Variants in SLC20A2 observed in about 807,000 individuals in gnomAD.
SLC20A2 encodes sodium-dependent phosphate transporter 2.
In SLC20A2, 30 loss-of-function variants were observed where a neutral mutation model predicts 61.0. The observed-to-expected ratio is 0.49, with a 90% CI of 0.37 to 0.67. The LOEUF is 0.67. Among genes scored for constraint, SLC20A2 ranks in the 30% least tolerant of loss-of-function variants. The probability of loss-of-function intolerance (pLI) is 0.00; values close to 1 mark genes in which losing one functional copy is unlikely to be tolerated. For synonymous variants in SLC20A2, 351 were observed against 353.3 expected (o/e 0.99, Z 0.07); for missense variants, 626 against 866.4 (o/e 0.72, Z 3.48).
chr8:42,538,168 C>T (rs1050722940), intron 1 of SLC20A2: 1 of 151,012 alleles, frequency 6.6e-6, no homozygotes, highest in African/African-American at 2.4e-5. Context: ...GATGTTTCCC[C>T]ACGGTATGTA....
intron 1 of SLC20A2, among the ~76,000 whole-genome samples, chr8:42,519,415 G>A (rs938820519): frequency 4.6e-4 from 69 of 150,906 alleles, no homozygotes; most frequent in Non-Finnish European, 8.5e-4. Context: ...CTGCACTCCA[G>A]CCTGGGCGAC....
In SLC20A2 at chr8:42,417,729, G is replaced by T; in HGVS notation, c.*74C>A. On this transcript the variant is annotated 3_prime_UTR_variant, in exon 11 of 11. Coordinates refer to ENST00000520262, the MANE Select transcript of SLC20A2 (RefSeq NM_001257180.2). ...TGCACGGCCAGGATGTGTATGTGCG[G>T]CACGAGCACACATGTCTCCCACACG... is the stretch of plus-strand genomic sequence containing the variant. The T allele has an allele frequency of 6.6e-7, 1 of 1,514,648 alleles. No individual in the cohort carries two copies. Among genetic ancestry groups the T allele is most frequent in the Non-Finnish European group, 9.1e-7 (1 of 1,097,574 alleles). The allele number at this position is 1,514,648 out of a possible 1,614,324, so 93.8% of individuals were successfully genotyped here.
intron 1 of SLC20A2, among the ~76,000 whole-genome samples, chr8:42,527,027 C>G (rs1812006903): frequency 6.6e-6 from 1 of 151,576 alleles, no homozygotes; most frequent in South Asian, 2.1e-4. Context: ...ACTGCTTGAG[C>G]CTGAGAATCG....
intron 1 of SLC20A2, among the ~76,000 whole-genome samples, chr8:42,510,152 CT>C (rs1810949053): frequency 3.3e-5 from 5 of 152,038 alleles, no homozygotes; most frequent in Admixed American, 3.3e-4. Flanking sequence ...ACTGAGTTTC[CT>C]CTGTTTTTAA....
intron 1 of SLC20A2, among the ~76,000 whole-genome samples, chr8:42,538,522 G>A (rs1288092997): frequency 3.3e-5 from 5 of 152,164 alleles, no homozygotes; most frequent in Admixed American, 2.6e-4. Flanking sequence ...AAAAGCAGGT[G>A]GGATCTTCAC....
At chr8:42,432,065 A>AT (rs1274299295) in intron 8 of SLC20A2, among the ~76,000 whole-genome samples, 1 of 152,216 alleles carries the variant, frequency 6.6e-6, no homozygotes, top group Non-Finnish European at 1.5e-5. Context: ...TACTTAAGAA[A>AT]TACACTTTGT....
intron 1 of SLC20A2, among the ~76,000 whole-genome samples, chr8:42,513,950 G>A (rs967665330): frequency 2.6e-5 from 4 of 152,194 alleles, no homozygotes; most frequent in African/African-American, 9.7e-5. Flanking sequence ...GCAGAAGTAT[G>A]TGTTCTGAAT....
At chr8:42,511,411 G>A (rs1257629084) in intron 1 of SLC20A2, among the ~76,000 whole-genome samples, 4 of 152,074 alleles carry the variant, frequency 2.6e-5, no homozygotes, top group African/African-American at 4.8e-5. Context: ...GGCGGATCAC[G>A]AGGTCAGAAG....
intron 1 of SLC20A2, among the ~76,000 whole-genome samples, chr8:42,482,549 G>C (rs544445061): frequency 2.0e-5 from 3 of 152,260 alleles, no homozygotes; most frequent in Admixed American, 6.5e-5. Flanking sequence ...AGGAGTTTGA[G>C]ATCAGCCTAG....
intron 1 of SLC20A2, chr8:42,541,741 C>T (rs1298427507): frequency 6.7e-6 from 1 of 148,950 alleles, no homozygotes; most frequent in Non-Finnish European, 1.5e-5. Flanking sequence ...TCCCGGTCCC[C>T]GGCGGGGCCG....
chr8:42,466,036 TTTC>T (rs1807133707), intron 2 of SLC20A2, 119 bp from the exon 3 acceptor site: 1 of 948,200 alleles, frequency 1.1e-6, no homozygotes, highest in African/African-American at 1.7e-5. Context: ...CTGTGAATTG[TTTC>T]TTTACAAAGC....
At chr8:42,451,689 G>A (rs1277018569) in intron 5 of SLC20A2, among the ~76,000 whole-genome samples, 44 of 101,354 alleles carry the variant, frequency 4.3e-4, no homozygotes, top group African/African-American at 4.8e-4. Context: ...GAAGAGGAGG[G>A]GGAGGAAGAG....
intron 1 of SLC20A2, among the ~76,000 whole-genome samples, chr8:42,490,781 T>A (rs1809449416): frequency 6.6e-6 from 1 of 151,970 alleles, no homozygotes; most frequent in Non-Finnish European, 1.5e-5. Flanking sequence ...GCCTTCCAAG[T>A]CCCTAGGGAC....
At chr8:42,448,021 A>G (rs917732901) in intron 5 of SLC20A2, among the ~76,000 whole-genome samples, 4 of 152,228 alleles carry the variant, frequency 2.6e-5, no homozygotes, top group African/African-American at 9.6e-5. Context: ...AAGGCTTCCC[A>G]GCGTCTGCTG....
chr8:42,422,890 G>C (rs1035899135), intron 10 of SLC20A2, among the ~76,000 whole-genome samples: 1 of 151,794 alleles, frequency 6.6e-6, no homozygotes, highest in Non-Finnish European at 1.5e-5. Context: ...TCTTTTCCTT[G>C]ATGTGATCTG....
At chr8:42,465,566 C>T (rs1414206615) in intron 3 of SLC20A2, among the ~76,000 whole-genome samples, 4 of 151,624 alleles carry the variant, frequency 2.6e-5, no homozygotes, top group East Asian at 3.9e-4. Flanking sequence ...TAGGAGGAGC[C>T]TGTAGTACCA....
intron 1 of SLC20A2, among the ~76,000 whole-genome samples, chr8:42,523,189 G>C (rs1811699208): frequency 6.6e-6 from 1 of 152,124 alleles, no homozygotes; most frequent in South Asian, 2.1e-4. Flanking sequence ...AATTAGCTGG[G>C]CATGGTGGCA....
upstream of SLC20A2, chr8:42,501,447 T>A (rs1313381655): frequency 6.6e-6 from 1 of 152,274 alleles, no homozygotes; most frequent in Non-Finnish European, 1.5e-5. Context: ...GGCATTCACT[T>A]GATTTTTAAG....
rs200501237 is a variant in SLC20A2 at position 42,487,687 on chromosome 8, TACTTTTCA to T, written c.-265+13336_-265+13343del. Among the ~76,000 whole-genome samples, 486 of 152,364 alleles carry T rather than the reference TACTTTTCA, an allele frequency of 3.2e-3. 7 individuals are homozygous for T. Among genetic ancestry groups the T allele is most frequent in the East Asian group, 0.027 (138 of 5,194 alleles). On this transcript the variant is annotated intron_variant, in intron 1 of 10. Transcript: ENST00000520262. Reference sequence around the variant, plus strand: ...AGCGAACTTGTCATCTTGGTTATTATACTTTTCAACTGCAGAGTTTCTTTTACAAAATG... The same window carrying T: ...AGCGAACTTGTCATCTTGGTTATTATACTGCAGAGTTTCTTTTACAAAATG...
Sources: gnomAD v4.1 joint callset for allele counts (sites outside exome capture counted in the v4.1 genomes callset) on GRCh38, gnomAD v4.1.1 for gene constraint, MANE v1.5 for transcripts, NCBI Gene and HGNC (gene_info 2026-07-23, HGNC 2026-07-21) for gene names.